Variants in PIGU observed in about 807,000 individuals in gnomAD.
PIGU encodes phosphatidylinositol glycan anchor biosynthesis class U, also known as GPI-anchor transamidase component PIGU.
In PIGU, 24 loss-of-function variants were observed where a neutral mutation model predicts 49.9. That is an observed-to-expected ratio of 0.48 (90% confidence interval 0.35 to 0.68). The LOEUF (loss-of-function observed/expected upper bound fraction) is 0.68, where lower values mean the gene tolerates loss of function less well. PIGU is among the 30% of genes least tolerant of loss of function. The pLI, the probability that PIGU is intolerant of heterozygous loss-of-function variation, is 0.01. For synonymous variants in PIGU, 220 were observed against 205.7 expected, an observed-to-expected ratio of 1.07 and a Z score of -0.59; for missense variants, 490 against 532.6, an observed-to-expected ratio of 0.92 and a Z score of 0.79.
At chr20:34,650,100 G>A (rs1463406284) in intron 2 of PIGU, among the ~76,000 whole-genome samples, 3 of 151,548 alleles carry the variant, frequency 2.0e-5, no homozygotes, top group Non-Finnish European at 4.4e-5. Context: ...CGCCCGCCTC[G>A]GCCTCCCAAA....
At chr20:34,581,248 C>T (rs1443510183) in intron 10 of PIGU, among the ~76,000 whole-genome samples, 1 of 152,118 alleles carries the variant, frequency 6.6e-6, no homozygotes, top group Non-Finnish European at 1.5e-5. Context: ...TTCTCATCTG[C>T]AAAACGTGGA....
chr20:34,632,853 A>C (rs78992133), intron 6 of PIGU, among the ~76,000 whole-genome samples: 1,799 of 152,170 alleles, frequency 0.012, 47 homozygotes, highest in African/African-American at 0.041. Context: ...AGGATAAAAG[A>C]TGTGTGAGAA....
chr20:34,634,422 T>C (rs1985892349), intron 6 of PIGU, among the ~76,000 whole-genome samples, 193 bp downstream of exon 6: 1 of 152,110 alleles, frequency 6.6e-6, no homozygotes, highest in Non-Finnish European at 1.5e-5. Flanking sequence ...AGAAGTTAAG[T>C]TTTCAAGATG....
chr20:34,577,095 G>A (rs1388899411), intron 10 of PIGU, among the ~76,000 whole-genome samples: 1 of 152,090 alleles, frequency 6.6e-6, no homozygotes, highest in Non-Finnish European at 1.5e-5. Context: ...AGGATTGTCT[G>A]TTACTTTTCT....
At chr20:34,574,648 G>A (rs1488113758) in intron 11 of PIGU, among the ~76,000 whole-genome samples, 1 of 152,064 alleles carries the variant, frequency 6.6e-6, no homozygotes, top group Non-Finnish European at 1.5e-5. Flanking sequence ...AGAGTCCGCA[G>A]AGCCTCTCCT....
At position 34,589,144 on chromosome 20, in the gene PIGU, CACACAT is replaced by C. The variant is rs1429226460; in HGVS notation, c.628-543_628-538del. Among the ~76,000 whole-genome samples, 230 of 109,400 alleles carry C rather than the reference CACACAT, an allele frequency of 2.1e-3. 2 individuals are homozygous for C. The highest frequency in any genetic ancestry group is 8.0e-3 in the African/African-American group (219 of 27,444). The allele number at this position is 109,400 out of a possible 152,430, so 71.8% of individuals were successfully genotyped here. ...ACACACACACACACACACACACACA[CACACAT>C]CTGTAAGTTTCATAAAACATAGATT... is the stretch of plus-strand genomic sequence containing the variant. On this transcript the variant is annotated intron_variant, in intron 7 of 11. Transcript: ENST00000217446.
At chr20:34,589,104 TACACACACACACACACACACACACAC>T (rs11469162) in intron 7 of PIGU, among the ~76,000 whole-genome samples, 1 of 145,936 alleles carries the variant, frequency 6.9e-6, no homozygotes, top group African/African-American at 2.5e-5. Flanking sequence ...TACTATTATT[TACACACACACACACACACACACACAC>T]ACACACACAC....
intron 6 of PIGU, among the ~76,000 whole-genome samples, chr20:34,618,037 G>T (rs1410164497): frequency 6.6e-6 from 1 of 151,998 alleles, no homozygotes; most frequent in Non-Finnish European, 1.5e-5. Context: ...CAGCCATGTG[G>T]AACTATAAGT....
At chr20:34,592,712 A>G (rs1481995903) in intron 7 of PIGU, among the ~76,000 whole-genome samples, 1 of 152,152 alleles carries the variant, frequency 6.6e-6, no homozygotes, top group Non-Finnish European at 1.5e-5. Flanking sequence ...AAGGTCACAT[A>G]TAAATTGGGG....
intron 1 of PIGU, among the ~76,000 whole-genome samples, chr20:34,673,293 C>T (rs181625340): frequency 6.6e-6 from 1 of 150,532 alleles, no homozygotes; most frequent in East Asian, 1.9e-4. Context: ...TCATGTGAAA[C>T]CAGAAGGAGT....
intron 8 of PIGU, among the ~76,000 whole-genome samples, chr20:34,587,259 C>T (rs553243703): frequency 5.9e-5 from 9 of 152,204 alleles, no homozygotes; most frequent in African/African-American, 2.2e-4. Flanking sequence ...GTTTGAGAAC[C>T]GCTGCTATTT....
At chr20:34,650,597 T>C (rs2146777031) in intron 2 of PIGU, among the ~76,000 whole-genome samples, 1 of 151,992 alleles carries the variant, frequency 6.6e-6, no homozygotes, top group South Asian at 2.1e-4. Flanking sequence ...GTCCAAGTAG[T>C]TTGATAACTT....
intron 1 of PIGU, among the ~76,000 whole-genome samples, chr20:34,673,289 G>A (rs1026640263): frequency 3.3e-4 from 50 of 150,902 alleles, no homozygotes; most frequent in Middle Eastern, 3.4e-3. Flanking sequence ...AATGTCATGT[G>A]AAACCAGAAG....
intron 7 of PIGU, among the ~76,000 whole-genome samples, chr20:34,593,700 A>G (rs1024793474): frequency 1.3e-5 from 2 of 152,254 alleles, no homozygotes; most frequent in African/African-American, 4.8e-5. Context: ...CTCTCACACC[A>G]TTCACAAGAA....
intron 7 of PIGU, among the ~76,000 whole-genome samples, chr20:34,597,203 G>T (rs917746953): frequency 2.3e-4 from 35 of 152,146 alleles, no homozygotes; most frequent in Non-Finnish European, 4.1e-4. Context: ...GTTCATAGTA[G>T]TCTATTTGTA....
At chr20:34,672,032 G>A (rs1005902055) in intron 1 of PIGU, among the ~76,000 whole-genome samples, 4 of 152,028 alleles carry the variant, frequency 2.6e-5, no homozygotes, top group Non-Finnish European at 5.9e-5. Flanking sequence ...TCTGCCTCCC[G>A]GGCCCATGCA....
intron 1 of PIGU, among the ~76,000 whole-genome samples, chr20:34,659,753 C>G (rs1484824603): frequency 1.3e-5 from 2 of 152,120 alleles, no homozygotes; most frequent in Non-Finnish European, 2.9e-5. Flanking sequence ...TGACCTTACC[C>G]CCAACCCCAT....
intron 7 of PIGU, among the ~76,000 whole-genome samples, chr20:34,602,568 G>A (rs926077379): frequency 2.6e-5 from 4 of 152,130 alleles, no homozygotes; most frequent in African/African-American, 9.7e-5. Flanking sequence ...CAGCACTCCA[G>A]CCTGGGCGAC....
chr20:34,570,515 A>G (rs543637383), intron 11 of PIGU, among the ~76,000 whole-genome samples: 1 of 152,098 alleles, frequency 6.6e-6, no homozygotes, highest in South Asian at 2.1e-4. Context: ...TCAGGGTTCG[A>G]GCAATTCTTC....
Sources: gnomAD v4.1 joint callset for allele counts (sites outside exome capture counted in the v4.1 genomes callset) on GRCh38, gnomAD v4.1.1 for gene constraint, MANE v1.5 for transcripts, NCBI Gene and HGNC (gene_info 2026-07-23, HGNC 2026-07-21) for gene names.